TMEM168: variants seen among roughly 807,000 people sequenced by gnomAD.
TMEM168 encodes the protein transmembrane protein 168.
In TMEM168, 40 loss-of-function variants were observed where a neutral mutation model predicts 53.2. That is an observed-to-expected ratio of 0.75 (90% CI 0.58 to 0.98). The LOEUF (loss-of-function observed/expected upper bound fraction) is 0.98, where lower values mean the gene tolerates loss of function less well. TMEM168 is among the 50% of genes least tolerant of loss of function. TMEM168 has a pLI of 0.00. For synonymous variants in TMEM168, 282 were observed against 293.0 expected (o/e 0.96, Z 0.38); for missense variants, 771 against 828.8 (o/e 0.93, Z 0.86).
Position 112,772,975 on chromosome 7 carries a change from A to G in TMEM168, c.1352T>C (p.Ile451Thr), listed in dbSNP as rs1471403920. The change falls in exon 4 of 5, where the codon ATC (isoleucine) becomes ACC (threonine). Residue 451 changes from isoleucine (I) to threonine (T), a missense_variant. Physicochemically the swap from Ile to Thr is moderately conservative, Grantham distance 89. Coordinates refer to ENST00000312814, the MANE Select transcript of TMEM168 (RefSeq NM_022484.6). Reference sequence around the variant, plus strand: ...CATATGATATGCAAAAAATCTTTGGATAGCATTGAGCATGCCAGTAGACCT... The same window carrying G: ...CATATGATATGCAAAAAATCTTTGGGTAGCATTGAGCATGCCAGTAGACCT... ...NLRSTGMLNA[I>T]QRFFAYHMIE... The G allele has an allele frequency of 6.2e-7, 1 of 1,613,970 alleles. No homozygotes were observed. Among genetic ancestry groups the G allele is most frequent in the Admixed American group, 1.7e-5 (1 of 59,994 alleles).
intron 1 of TMEM168, among the ~76,000 whole-genome samples, chr7:112,786,545 G>C (rs979428053): frequency 7.3e-5 from 11 of 150,550 alleles, no homozygotes; most frequent in African/African-American, 2.7e-4. Flanking sequence ...GTATATTTTG[G>C]TTTATCTTTT....
chr7:112,780,808 G>A (rs75289391), intron 2 of TMEM168, among the ~76,000 whole-genome samples: 5,125 of 152,076 alleles, frequency 0.034, 116 homozygotes, highest in Non-Finnish European at 0.05. Context: ...GTCTAGGAAC[G>A]GAAAACAGGT....
At chr7:112,785,912 T>TA (rs1793367550) in intron 1 of TMEM168, among the ~76,000 whole-genome samples, 1 of 152,068 alleles carries the variant, frequency 6.6e-6, no homozygotes, top group Non-Finnish European at 1.5e-5. Flanking sequence ...ATCAGATATT[T>TA]AAAAAGAAAC....
chr7:112,774,445 C>A (rs989407334), intron 3 of TMEM168, among the ~76,000 whole-genome samples: 1 of 145,062 alleles, frequency 6.9e-6, no homozygotes. Flanking sequence ...ACATTTTAGG[C>A]AAAGACAGAT....
At chr7:112,770,436 G>A (rs920097980) in intron 4 of TMEM168, among the ~76,000 whole-genome samples, 1 of 152,042 alleles carries the variant, frequency 6.6e-6, no homozygotes, top group African/African-American at 2.4e-5. Context: ...GAGGAATTCT[G>A]TAACGGTCAA....
chr7:112,767,839 T>C (rs902267871), intron 4 of TMEM168, 95 bp from the exon 5 acceptor site: 37 of 1,082,092 alleles, frequency 3.4e-5, no homozygotes, highest in Middle Eastern at 2.4e-4. Flanking sequence ...GAAAATACTC[T>C]TGTTATACAT....
rs1793050006 is a variant in TMEM168 at position 112,775,333 on chromosome 7, A to G, written c.1129-15T>C. Reference sequence around the variant, plus strand: ...CCATTTGTTGGCTAAAAGAAATCCAAAACATGTTTACATAGTACATGTACA... The same window carrying G: ...CCATTTGTTGGCTAAAAGAAATCCAGAACATGTTTACATAGTACATGTACA... On this transcript the variant is annotated splice_polypyrimidine_tract_variant and intron_variant, in intron 2 of 4. Coordinates refer to ENST00000312814, the MANE Select transcript of TMEM168 (RefSeq NM_022484.6). 1.2e-6 allele frequency: 2 copies of G among 1,611,354 alleles called. No individual in the cohort carries two copies. Among genetic ancestry groups the G allele is most frequent in the South Asian group, 1.1e-5 (1 of 90,696 alleles).
intron 2 of TMEM168, among the ~76,000 whole-genome samples, chr7:112,780,205 A>C (rs1482288088): frequency 2.0e-5 from 3 of 152,236 alleles, no homozygotes; most frequent in Non-Finnish European, 4.4e-5. Flanking sequence ...TAAGTTAATT[A>C]ACCTTTTGAG....
At chr7:112,779,536 T>C (rs1425033899) in intron 2 of TMEM168, among the ~76,000 whole-genome samples, 1 of 152,224 alleles carries the variant, frequency 6.6e-6, no homozygotes, top group Non-Finnish European at 1.5e-5. Flanking sequence ...ATAAGATCAA[T>C]TGATTCAAGC....
chr7:112,768,167 C>T (rs181099797), intron 4 of TMEM168, among the ~76,000 whole-genome samples: 23 of 152,266 alleles, frequency 1.5e-4, no homozygotes, highest in Non-Finnish European at 2.8e-4. Flanking sequence ...TTTATATTTT[C>T]ACATGGTTGA....
intron 2 of TMEM168, among the ~76,000 whole-genome samples, chr7:112,780,370 C>A (rs2116279445): frequency 6.6e-6 from 1 of 152,192 alleles, no homozygotes; most frequent in East Asian, 1.9e-4. Context: ...TATGTTAACA[C>A]AAACCCTTGT....
chr7:112,776,798 T>G (rs1011590391), intron 2 of TMEM168, among the ~76,000 whole-genome samples: 19 of 151,974 alleles, frequency 1.3e-4, no homozygotes, highest in African/African-American at 4.6e-4. Context: ...TCTATCAACA[T>G]TTTAATTTAA....
At chr7:112,789,725 G>GA (rs1793492557) in intron 1 of TMEM168, among the ~76,000 whole-genome samples, 4 of 152,302 alleles carry the variant, frequency 2.6e-5, no homozygotes, top group East Asian at 3.9e-4. Context: ...GAACTACACT[G>GA]AAAAAACAGG....
intron 4 of TMEM168, among the ~76,000 whole-genome samples, chr7:112,768,785 A>G (rs1792854885): frequency 6.6e-6 from 1 of 152,170 alleles, no homozygotes; most frequent in East Asian, 1.9e-4. Context: ...TATCTTAAGG[A>G]AAGAACAGAC....
At chr7:112,783,083 T>C (rs117215246) in intron 2 of TMEM168, among the ~76,000 whole-genome samples, 2,526 of 152,298 alleles carry the variant, frequency 0.017, 40 homozygotes, top group Non-Finnish European at 0.023. Flanking sequence ...ACTGTACAAA[T>C]GTCTTTGTCT....
rs192041004 is a variant in TMEM168, at chr7:112,775,421, G to A, written c.1129-103C>T. The stretch of plus-strand genomic sequence containing the variant: ...ATTTTTTAGCTTCTACTTTCAAAAA[G>A]GATAAAAGGAACAATTAATGATCTA... On this transcript the variant is annotated intron_variant, in intron 2 of 4. Transcript: ENST00000312814. 8.1e-4 allele frequency: 822 copies of A among 1,019,094 alleles called. 4 individuals carry two copies. In the African/African-American group the frequency reaches 0.011, roughly 14 times the overall value. 63.1% of individuals were successfully genotyped at this position (1,019,094 alleles called of 1,614,324 possible).
chr7:112,774,933 A>G (rs1793035786), intron 3 of TMEM168, among the ~76,000 whole-genome samples: 1 of 152,176 alleles, frequency 6.6e-6, no homozygotes, highest in African/African-American at 2.4e-5. Flanking sequence ...CTTTCCTTAG[A>G]AAAGTTATTC....
At position 112,766,335 on chromosome 7, in the gene TMEM168, C is replaced by G. The variant is rs568387745; in HGVS notation, c.*862G>C. On this transcript the variant is annotated 3_prime_UTR_variant, in exon 5 of 5. Transcript: ENST00000312814. Reference sequence around the variant, plus strand: ...GCATTAACTCAATGGGGATCAAAATCTTTTCTGAATACTTAAAATAGACTG... The same window carrying G: ...GCATTAACTCAATGGGGATCAAAATGTTTTCTGAATACTTAAAATAGACTG... The G allele has an allele frequency of 1.3e-5, 2 of 152,666 alleles. No individual in the cohort carries two copies. Among genetic ancestry groups the G allele is most frequent in the Non-Finnish European group, 2.9e-5 (2 of 67,986 alleles). The allele number at this position is 152,666 out of a possible 1,614,324, so 9.5% of individuals were successfully genotyped here.
At chr7:112,771,446 C>G (rs1792928711) in intron 4 of TMEM168, among the ~76,000 whole-genome samples, 1 of 152,128 alleles carries the variant, frequency 6.6e-6, no homozygotes, top group African/African-American at 2.4e-5. Context: ...GTGATGGTAT[C>G]TATCTCAAAG....
Sources: gnomAD v4.1 joint callset for allele counts (sites outside exome capture counted in the v4.1 genomes callset) on GRCh38, gnomAD v4.1.1 for gene constraint, MANE v1.5 for transcripts, NCBI Gene and HGNC (gene_info 2026-07-23, HGNC 2026-07-21) for gene names.